Variants in SIK3 observed in about 807,000 individuals in gnomAD.
The protein encoded by SIK3 is SIK family kinase 3.
Under a neutral mutation model 144.2 loss-of-function variants are expected in SIK3, and 28 were observed. The observed-to-expected ratio is 0.19, with a 90% CI of 0.14 to 0.27. The LOEUF (loss-of-function observed/expected upper bound fraction) is 0.27, where lower values mean the gene tolerates loss of function less well. SIK3 is among the 10% of genes least tolerant of loss of function. SIK3 has a pLI of 1.00. For missense variants in SIK3, 1,319 were observed against 1,776.0 expected (o/e 0.74, Z 4.62); for synonymous variants, 686 against 676.3 (o/e 1.01, Z -0.22).
chr11:117,023,621 A>ATATAT lies in SIK3; in HGVS notation c.274-66558_274-66557insATATA, dbSNP rs1555131640. On this transcript the variant is annotated intron_variant, in intron 1 of 24. Transcript: ENST00000445177. ...ACAAACAAACAAACAAAAAAAAAAA[A>ATATAT]ATATATATATATATATATATATATT... Among the ~76,000 whole-genome samples, 244 of 95,348 alleles carry ATATAT rather than the reference A, an allele frequency of 2.6e-3. 4 individuals carry two copies. The highest frequency in any genetic ancestry group is 0.025 in the South Asian group (66 of 2,630). The allele number at this position is 95,348 out of a possible 152,430, so 62.6% of individuals were successfully genotyped here. A position where few individuals can be genotyped will look rare whatever the true frequency, so the allele number is the denominator to read the frequency against.
Position 116,849,550 on chromosome 11 carries a change from AT to A in SIK3, c.3656-268del, listed in dbSNP as rs1942267527. 6.6e-6 allele frequency among the ~76,000 whole-genome samples: 1 copy of A among 152,076 alleles called. No individual in the cohort carries two copies. Among genetic ancestry groups the A allele is most frequent in the African/African-American group, 2.4e-5 (1 of 41,404 alleles). On this transcript the variant is annotated intron_variant, in intron 21 of 24. Transcript: ENST00000445177. The surrounding 1 kb of genome is among the most constrained non-coding windows in gnomAD (Gnocchi z 4.2). Reference sequence around the variant, plus strand: ...ACCCCACCGAACCTTCTCTTCTTTCATTTCTCTGTTGAATTAACAGTGATCT... The same window carrying A: ...ACCCCACCGAACCTTCTCTTCTTTCATTCTCTGTTGAATTAACAGTGATCT...
At chr11:116,918,940 T>A (rs578221210) in intron 4 of SIK3, among the ~76,000 whole-genome samples, 1 of 152,204 alleles carries the variant, frequency 6.6e-6, no homozygotes, top group Admixed American at 6.5e-5. Flanking sequence ...AATGGTCATA[T>A]GCCATTTCAG....
chr11:117,034,170 T>A (rs774927118), intron 1 of SIK3, among the ~76,000 whole-genome samples: 4 of 152,202 alleles, frequency 2.6e-5, no homozygotes, highest in Non-Finnish European at 5.9e-5. Flanking sequence ...GTATAAGTTA[T>A]CACATAGAAC....
At chr11:116,917,024 A>G (rs1591316382) in intron 4 of SIK3, among the ~76,000 whole-genome samples, 1 of 152,100 alleles carries the variant, frequency 6.6e-6, no homozygotes, top group Admixed American at 6.5e-5. Flanking sequence ...GTGTAATCAT[A>G]GCTTACTGCA....
intron 1 of SIK3, among the ~76,000 whole-genome samples, chr11:117,086,472 A>G (rs891314960): frequency 7.2e-5 from 11 of 152,148 alleles, no homozygotes; most frequent in Admixed American, 2.0e-4. Flanking sequence ...CGAGTGGATC[A>G]CGAGGTAGGA....
intron 4 of SIK3, among the ~76,000 whole-genome samples, chr11:116,906,528 G>A (rs369600350): frequency 2.0e-5 from 3 of 152,112 alleles, no homozygotes; most frequent in Admixed American, 6.6e-5. Context: ...CCCTAGGTGC[G>A]AGAACAGAAA....
intron 6 of SIK3, among the ~76,000 whole-genome samples, chr11:116,887,443 C>A (rs1276459464): frequency 6.6e-6 from 1 of 151,732 alleles, no homozygotes; most frequent in Non-Finnish European, 1.5e-5. Flanking sequence ...ATGACGAGAC[C>A]CCGTCTCCAC....
chr11:116,972,042 G>A (rs118137922), intron 1 of SIK3, among the ~76,000 whole-genome samples: 11,025 of 148,896 alleles, frequency 0.074, 730 homozygotes, highest in African/African-American at 0.18. Flanking sequence ...AGCTGAGATC[G>A]CCTCACTGCA....
intron 3 of SIK3, among the ~76,000 whole-genome samples, chr11:116,930,882 C>T (rs965192496): frequency 1.3e-5 from 2 of 151,882 alleles, no homozygotes; most frequent in African/African-American, 2.4e-5. Context: ...ATTTAGTTGC[C>T]ATTATAGGTC....
chr11:116,983,884 C>T (rs540666132), intron 1 of SIK3, among the ~76,000 whole-genome samples: 155 of 151,854 alleles, frequency 1.0e-3, no homozygotes, highest in African/African-American at 3.2e-3. Context: ...GGGCAACATG[C>T]GAAATCCCAT....
chr11:117,075,862 T>TTTTC (rs1954498139), intron 1 of SIK3, among the ~76,000 whole-genome samples: 1 of 143,982 alleles, frequency 6.9e-6, no homozygotes, highest in Non-Finnish European at 1.5e-5. Context: ...TTTTTTTTTT[T>TTTTC]TTTTGAGACA....
intron 1 of SIK3, among the ~76,000 whole-genome samples, chr11:117,002,371 G>C (rs1239061220): frequency 1.3e-5 from 2 of 151,768 alleles, no homozygotes; most frequent in African/African-American, 4.9e-5. Context: ...AATTCTTCCA[G>C]TGTGGCCAGG....
At chr11:117,076,037 C>T (rs1023210924) in intron 1 of SIK3, among the ~76,000 whole-genome samples, 2 of 151,272 alleles carry the variant, frequency 1.3e-5, no homozygotes, top group Non-Finnish European at 2.9e-5. Flanking sequence ...TTAGTAGAGA[C>T]GGGGTTTCAC....
intron 1 of SIK3, among the ~76,000 whole-genome samples, chr11:116,996,553 C>T (rs960664245): frequency 3.3e-5 from 5 of 151,922 alleles, no homozygotes; most frequent in African/African-American, 1.2e-4. Flanking sequence ...GGCACGGTGG[C>T]TCACGCCTGT....
chr11:116,900,858 A>G (rs541129287), intron 4 of SIK3, among the ~76,000 whole-genome samples: 1 of 148,674 alleles, frequency 6.7e-6, no homozygotes, highest in East Asian at 1.9e-4. Flanking sequence ...ATACATATAT[A>G]TTATTTATTT....
chr11:116,901,066 T>C (rs1479624861), intron 4 of SIK3, among the ~76,000 whole-genome samples: 1 of 152,128 alleles, frequency 6.6e-6, no homozygotes, highest in African/African-American at 2.4e-5. Flanking sequence ...GGTTTCTCCA[T>C]GTTGGTCAGG....
chr11:116,864,015 C>T, intron 15 of SIK3, 197 bp from the exon 16 acceptor site: 1 of 482,678 alleles, frequency 2.1e-6, no homozygotes, highest in Admixed American at 3.9e-5. Flanking sequence ...AGGTGTACAT[C>T]TTCCATTTCT....
rs11607045 is a variant in SIK3 at position 116,918,001 on chromosome 11, A to C, written c.616+9218T>G. ...CGATAAAATTATTTTTCTTTGTTCT[A>C]GATATTATACAGATTAAGATGAAAC... On this transcript the variant is annotated intron_variant, in intron 4 of 24. Transcript: ENST00000445177. 7.5e-3 allele frequency among the ~76,000 whole-genome samples: 1,140 copies of C among 152,278 alleles called. 12 individuals carry two copies. The highest frequency in any genetic ancestry group is 0.026 in the African/African-American group (1,091 of 41,550).
intron 1 of SIK3, among the ~76,000 whole-genome samples, chr11:117,012,977 G>A (rs548621063): frequency 1.3e-4 from 20 of 148,738 alleles, no homozygotes; most frequent in Admixed American, 9.6e-4. Context: ...TCAGCCTCCC[G>A]AGTAGCTGGG....
Sources: allele counts gnomAD v4.1 joint callset (sites outside exome capture counted in the v4.1 genomes callset), GRCh38; gene constraint gnomAD v4.1.1; non-coding constraint Gnocchi (gnomAD v3.1); transcripts MANE v1.5; gene names NCBI Gene and HGNC (gene_info 2026-07-23, HGNC 2026-07-21).